Variants in HERC3 observed in about 807,000 individuals in gnomAD.
The protein encoded by HERC3 is probable E3 ubiquitin-protein ligase HERC3.
Under a neutral mutation model 129.9 loss-of-function variants are expected in HERC3, and 58 were observed. The observed-to-expected ratio is 0.45, with a 90% CI of 0.36 to 0.56. The LOEUF is 0.56. Among genes scored for constraint, HERC3 ranks in the 20% least tolerant of loss-of-function variants. The pLI is 0.00. For synonymous variants in HERC3, 430 were observed against 451.0 expected (o/e 0.95, Z 0.59); for missense variants, 835 against 1,244.2 (o/e 0.67, Z 4.95).
chr4:88,555,938 A>G, the HERC3 span, among the ~76,000 whole-genome samples: 1 of 152,218 alleles, frequency 6.6e-6, no homozygotes, highest in South Asian at 2.1e-4. Context: ...GGATTGACCA[A>G]TTAGATATAT....
intron 3 of HERC3, among the ~76,000 whole-genome samples, chr4:88,624,668 G>A (rs1044841950): frequency 6.6e-6 from 1 of 152,030 alleles, no homozygotes; most frequent in Non-Finnish European, 1.5e-5. Context: ...TTTCCTTTTC[G>A]GTTTCTTAAC....
At chr4:88,690,364 G>A in intron 23 of HERC3, 4 of 985,362 alleles carry the variant, frequency 4.1e-6, no homozygotes, top group Non-Finnish European at 4.8e-6. Context: ...TCCTGGTTTT[G>A]GGGATTGCTT....
In HERC3 at chr4:88,643,427, T is replaced by C. The variant is rs372222622; in HGVS notation, c.227-6413T>C. On this transcript the variant is annotated intron_variant, in intron 3 of 25. Coordinates refer to ENST00000402738, the MANE Select transcript of HERC3 (RefSeq NM_014606.3). ...ATATGGGAAGGTAAAGGATCTAGAATACCTGAAGCAATTTTGAAAAATATG... is the reference window on the plus strand; with the variant it reads ...ATATGGGAAGGTAAAGGATCTAGAACACCTGAAGCAATTTTGAAAAATATG... 1.4e-3 allele frequency among the ~76,000 whole-genome samples: 217 copies of C among 152,320 alleles called. No homozygotes were observed. The Middle Eastern group carries it at 0.017, about 12-fold the overall frequency.
At chr4:88,633,143 T>C (rs1726961142) in intron 3 of HERC3, among the ~76,000 whole-genome samples, 1 of 152,166 alleles carries the variant, frequency 6.6e-6, no homozygotes. Flanking sequence ...AAATAGCCTT[T>C]ATAAATGAAG....
intron 3 of HERC3, among the ~76,000 whole-genome samples, chr4:88,648,725 AT>A (rs951128783): frequency 5.3e-5 from 8 of 150,900 alleles, no homozygotes; most frequent in Non-Finnish European, 7.4e-5. Context: ...TTTTCTTGTG[AT>A]TTTTTTTTGA....
chr4:88,658,625 G>A (rs539179222), intron 10 of HERC3, 134 bp downstream of exon 10: 55 of 485,378 alleles, frequency 1.1e-4, no homozygotes, highest in African/African-American at 9.6e-4. Flanking sequence ...TTTAAAATAA[G>A]CAAACTAAAT....
intron 19 of HERC3, among the ~76,000 whole-genome samples, chr4:88,679,399 A>G (rs901886852): frequency 6.6e-6 from 1 of 152,222 alleles, no homozygotes; most frequent in Non-Finnish European, 1.5e-5. Flanking sequence ...AAGTTAAATG[A>G]AAAATCATTT....
intron 3 of HERC3, among the ~76,000 whole-genome samples, chr4:88,645,082 T>A (rs77769005): frequency 0.015 from 2,264 of 152,232 alleles, 68 homozygotes; most frequent in African/African-American, 0.052. Context: ...TTTGCCGAGA[T>A]ACAGTGTATC....
the HERC3 span, among the ~76,000 whole-genome samples, chr4:88,543,797 C>G: frequency 2.0e-5 from 3 of 152,084 alleles, no homozygotes; most frequent in African/African-American, 4.8e-5. Flanking sequence ...TTTGACAAAC[C>G]TGACAAAAAC....
At position 88,629,576 on chromosome 4, in the gene HERC3, C is replaced by G. The variant is rs200648454; in HGVS notation, c.227-20264C>G. ...ATTTGTAGAAATACAACTGCTAGAT[C>G]AAAAGACATTCAAAATTCTAAGGCT... On this transcript the variant is annotated intron_variant, in intron 3 of 25. Coordinates refer to ENST00000402738, the MANE Select transcript of HERC3 (RefSeq NM_014606.3). 1.3e-4 allele frequency among the ~76,000 whole-genome samples: 20 copies of G among 152,216 alleles called. 1 individual carries two copies. The East Asian group carries it at 3.9e-3, about 29-fold the overall frequency.
chr4:88,676,670 G>T (rs760262195), intron 18 of HERC3, among the ~76,000 whole-genome samples: 1 of 152,182 alleles, frequency 6.6e-6, no homozygotes, highest in African/African-American at 2.4e-5. Context: ...GAACCGTATG[G>T]TCTCTGTTAC....
rs3036481 is a variant in HERC3 at position 88,607,172 on chromosome 4, G to GGTGTGT, written c.226+1142_226+1147dup. On this transcript the variant is annotated intron_variant, in intron 3 of 25. Transcript: ENST00000402738. ...GCCTTTGGGTGTTGAGTAGCACTTT[G>GGTGTGT]GTGTGTGTGTGTGTGTGTGTGTGTA... is the stretch of plus-strand genomic sequence containing the variant. 4.7e-3 allele frequency among the ~76,000 whole-genome samples: 706 copies of GGTGTGT among 149,838 alleles called. 9 individuals are homozygous for GGTGTGT. Among genetic ancestry groups the GGTGTGT allele is most frequent in the African/African-American group, 0.016 (669 of 40,868 alleles).
intron 3 of HERC3, among the ~76,000 whole-genome samples, chr4:88,627,097 TTTA>T (rs1726183935): frequency 6.6e-6 from 1 of 152,184 alleles, no homozygotes; most frequent in South Asian, 2.1e-4. Context: ...TGTTTTTGTT[TTTA>T]TTTAGTTTAA....
intron 3 of HERC3, among the ~76,000 whole-genome samples, chr4:88,619,525 AT>A (rs1392136898): frequency 6.6e-6 from 1 of 152,218 alleles, no homozygotes; most frequent in African/African-American, 2.4e-5. Context: ...AACTATAAAA[AT>A]AATAGGAAAA....
chr4:88,552,299 C>T, the HERC3 span, among the ~76,000 whole-genome samples: 13 of 151,636 alleles, frequency 8.6e-5, no homozygotes, highest in African/African-American at 2.2e-4. Flanking sequence ...AAAAAAGTCT[C>T]GTTTTCCTCT....
intron 4 of HERC3, among the ~76,000 whole-genome samples, chr4:88,651,181 A>G (rs3017923): frequency 0.053 from 8,129 of 152,272 alleles, 574 homozygotes; most frequent in East Asian, 0.27. Context: ...GTTGATGACC[A>G]AAACACAATT....
chr4:88,703,988 G>C, intron 23 of HERC3, 110 bp from the exon 24 acceptor site: 1 of 1,013,734 alleles, frequency 9.9e-7, no homozygotes, highest in South Asian at 1.6e-5. Flanking sequence ...CCTGATTTGA[G>C]AATTTGATGA....
intron 23 of HERC3, among the ~76,000 whole-genome samples, chr4:88,702,363 T>C (rs1485414246): frequency 6.6e-6 from 1 of 152,258 alleles, no homozygotes; most frequent in Non-Finnish European, 1.5e-5. Flanking sequence ...GACACAGGCA[T>C]GGAGAAGTTA....
intron 3 of HERC3, among the ~76,000 whole-genome samples, chr4:88,606,307 A>G (rs1257763342): frequency 1.4e-5 from 2 of 147,598 alleles, no homozygotes; most frequent in Non-Finnish European, 3.0e-5. Context: ...GCTTGAGTGC[A>G]GTGGTGAGAT....
Sources: allele counts gnomAD v4.1 joint callset (sites outside exome capture counted in the v4.1 genomes callset), GRCh38; gene constraint gnomAD v4.1.1; transcripts MANE v1.5; gene names NCBI Gene and HGNC (gene_info 2026-07-23, HGNC 2026-07-21).